Variants in WDR43 observed in about 807,000 individuals in gnomAD.
WDR43 encodes WD repeat domain 43, also known as WD repeat-containing protein 43.
In WDR43, 13 loss-of-function variants were observed where a neutral mutation model predicts 91.4. That is an observed-to-expected ratio of 0.14 (90% CI 0.09 to 0.23). The LOEUF (loss-of-function observed/expected upper bound fraction) is 0.23. WDR43 is among the 10% of genes least tolerant of loss of function. WDR43 has a pLI of 1.00. For missense variants in WDR43, 780 were observed against 809.4 expected (o/e 0.96, Z 0.44); for synonymous variants, 331 against 287.9 (o/e 1.15, Z -1.51).
chr2:28,920,290 A>G (rs868180543), intron 6 of WDR43, among the ~76,000 whole-genome samples: 2 of 130,164 alleles, frequency 1.5e-5, no homozygotes, highest in African/African-American at 6.1e-5. Context: ...TAGTGGTGCG[A>G]TCTCAGCTCA....
Position 28,917,816 on chromosome 2 carries a change from G to T in WDR43, c.747-77G>T, listed in dbSNP as rs1425453762. On this transcript the variant is annotated intron_variant, in intron 5 of 17. Transcript: ENST00000407426. Reference sequence around the variant, plus strand: ...GGGAATCTCATGTGCTGATCTCCATGCCTCCTTAGGTGTTTGCCTTTTTAG... The same window carrying T: ...GGGAATCTCATGTGCTGATCTCCATTCCTCCTTAGGTGTTTGCCTTTTTAG... 4.8e-6 allele frequency: 6 copies of T among 1,252,358 alleles called. No homozygotes were observed. In the South Asian group the frequency reaches 8.2e-5, roughly 17 times the overall value. 77.6% of individuals were successfully genotyped at this position (1,252,358 alleles called of 1,614,324 possible).
intron 5 of WDR43, among the ~76,000 whole-genome samples, chr2:28,915,367 G>A (rs1670885469): frequency 1.3e-5 from 2 of 152,160 alleles, no homozygotes; most frequent in African/African-American, 4.8e-5. Flanking sequence ...GAAATCAGTA[G>A]TGCTAAAAAA....
At chr2:28,934,874 G>C (rs1671310137) in intron 11 of WDR43, among the ~76,000 whole-genome samples, 1 of 151,974 alleles carries the variant, frequency 6.6e-6, no homozygotes, top group African/African-American at 2.4e-5. Context: ...CTTTCAAAAG[G>C]ACCCTAATTT....
chr2:28,942,396 A>G lies in WDR43; in HGVS notation c.1804+15A>G, dbSNP rs1671455394. On this transcript the variant is annotated intron_variant, in intron 16 of 17. Transcript: ENST00000407426. ...GTATGAAGAAGGTAAAGACTGGGGGAATGGGATGGAGTCTAGAATTATAAC... is the reference window on the plus strand; with the variant it reads ...GTATGAAGAAGGTAAAGACTGGGGGGATGGGATGGAGTCTAGAATTATAAC... 7 of 1,609,968 alleles carry G rather than the reference A, an allele frequency of 4.3e-6. No homozygotes were observed. Among genetic ancestry groups the G allele is most frequent in the Non-Finnish European group, 5.9e-6 (7 of 1,177,120 alleles).
rs559367105 is a variant in WDR43 at position 28,927,661 on chromosome 2, C to T, written c.1266C>T (p.Thr422=). ...HAAIKPAPPQ[T]EQVESKRKSG... ...CTATCAAGCCCGCTCCTCCACAAAC[C>T]GAGCAAGTAGAGAGCAAGAGGAAGT... Residue 422 remains threonine (T), a synonymous_variant, in exon 10 of 18, where the codon ACC becomes ACT. Coordinates refer to ENST00000407426, the MANE Select transcript of WDR43 (RefSeq NM_015131.3). The T allele has an allele frequency of 5.6e-6, 9 of 1,613,726 alleles. No homozygotes were observed. Among genetic ancestry groups the T allele is most frequent in the African/African-American group, 2.7e-5 (2 of 74,888 alleles).
intron 3 of WDR43, among the ~76,000 whole-genome samples, chr2:28,906,988 A>G (rs1465184508): frequency 6.6e-6 from 1 of 152,170 alleles, no homozygotes; most frequent in Non-Finnish European, 1.5e-5. Context: ...AGGAATGTAA[A>G]AGATTGACTT....
chr2:28,926,355 A>G, intron 8 of WDR43, 113 bp from the exon 9 acceptor site: 3 of 757,926 alleles, frequency 4.0e-6, no homozygotes, highest in Non-Finnish European at 6.2e-6. Context: ...TTTTATAAAA[A>G]TGCACAAGTA....
chr2:28,936,187 C>A (rs1352189970), intron 12 of WDR43, among the ~76,000 whole-genome samples: 1 of 151,654 alleles, frequency 6.6e-6, no homozygotes, highest in Non-Finnish European at 1.5e-5. Flanking sequence ...TAGCAAGACC[C>A]CATCTTAAAA....
intron 9 of WDR43, 121 bp downstream of exon 9, chr2:28,926,675 CT>C: frequency 1.1e-6 from 1 of 874,730 alleles, no homozygotes; most frequent in Non-Finnish European, 1.7e-6. Flanking sequence ...ATTCTCTTGT[CT>C]TATAAATTTT....
chr2:28,922,076 T>C (rs371989936), intron 6 of WDR43, among the ~76,000 whole-genome samples: 4 of 152,340 alleles, frequency 2.6e-5, no homozygotes, highest in African/African-American at 9.6e-5. Context: ...ATAAAATCTC[T>C]CCTTTCTGAG....
In WDR43 at chr2:28,894,681, A is replaced by C. The variant is rs756285996; in HGVS notation, c.-18A>C. 2.3e-5 allele frequency: 36 copies of C among 1,542,840 alleles called. No individual in the cohort carries two copies. The highest frequency in any genetic ancestry group is 2.8e-5 in the Non-Finnish European group (32 of 1,142,648). The stretch of plus-strand genomic sequence containing the variant: ...TGCGCACGGACGAACACGTGGCTGC[A>C]GCGGGGCCAGAGCAGCAATGGCGGC... On this transcript the variant is annotated 5_prime_UTR_variant, in exon 1 of 18. Coordinates refer to ENST00000407426, the MANE Select transcript of WDR43 (RefSeq NM_015131.3).
intron 7 of WDR43, among the ~76,000 whole-genome samples, chr2:28,923,602 C>T (rs980706224): frequency 1.1e-4 from 16 of 151,996 alleles, no homozygotes; most frequent in African/African-American, 3.6e-4. Context: ...TTTAAGATAC[C>T]AGTATAGGAA....
rs764731402 is a variant in WDR43 at position 28,942,294 on chromosome 2, T to G, written c.1735-18T>G. 1.2e-6 allele frequency: 2 copies of G among 1,609,830 alleles called. No homozygotes were observed. The highest frequency in any genetic ancestry group is 1.7e-6 in the Non-Finnish European group (2 of 1,177,192). The stretch of plus-strand genomic sequence containing the variant: ...ATGTTTACACTCTACTTCAGAACAG[T>G]ACTTTATCTTCTTCCAGGTAACAGC... On this transcript the variant is annotated intron_variant, in intron 15 of 17. Coordinates refer to ENST00000407426, the MANE Select transcript of WDR43 (RefSeq NM_015131.3).
At chr2:28,945,596 A>G (rs1196611766) in intron 16 of WDR43, among the ~76,000 whole-genome samples, 1 of 152,220 alleles carries the variant, frequency 6.6e-6, no homozygotes, top group Non-Finnish European at 1.5e-5. Context: ...ACTGGATGTG[A>G]GGCCTAAAGG....
chr2:28,914,470 T>C lies in WDR43; in HGVS notation c.746+262T>C, dbSNP rs113156010. On this transcript the variant is annotated intron_variant, in intron 5 of 17. Coordinates refer to ENST00000407426, the MANE Select transcript of WDR43 (RefSeq NM_015131.3). ...GTGGTTGGGCAATTTAGAATATCTT[T>C]TAAAAAATTTAGAAAGACCTTTGAT... 2.5e-4 allele frequency among the ~76,000 whole-genome samples: 38 copies of C among 152,360 alleles called. 1 individual carries two copies. Among genetic ancestry groups the C allele is most frequent in the African/African-American group, 8.9e-4 (37 of 41,580 alleles).
intron 3 of WDR43, among the ~76,000 whole-genome samples, chr2:28,908,596 C>T (rs150452161): frequency 5.0e-4 from 50 of 99,098 alleles, no homozygotes; most frequent in African/African-American, 1.5e-3. Context: ...TAATCATAAG[C>T]CTGTGAGGTG....
chr2:28,918,138 A>C (rs1209357004), intron 6 of WDR43, 143 bp downstream of exon 6: 3 of 685,734 alleles, frequency 4.4e-6, no homozygotes, highest in Non-Finnish European at 7.2e-6. Flanking sequence ...TAGACTGTTC[A>C]AAGGAACTTA....
intron 1 of WDR43, among the ~76,000 whole-genome samples, chr2:28,898,075 T>A (rs1015478766): frequency 2.0e-5 from 3 of 152,364 alleles, no homozygotes; most frequent in African/African-American, 7.2e-5. Context: ...GTAAAGTGAC[T>A]GAGCCACCTA....
chr2:28,944,079 G>A (rs971423067), intron 16 of WDR43, among the ~76,000 whole-genome samples: 11 of 152,114 alleles, frequency 7.2e-5, no homozygotes, highest in African/African-American at 1.9e-4. Context: ...GATGTCCTCC[G>A]CTTTTCAATC....
Sources: allele counts gnomAD v4.1 joint callset (sites outside exome capture counted in the v4.1 genomes callset), GRCh38; gene constraint gnomAD v4.1.1; transcripts MANE v1.5; gene names NCBI Gene and HGNC (gene_info 2026-07-23, HGNC 2026-07-21).